ZNF343: variants seen among roughly 807,000 people sequenced by gnomAD.
ZNF343 encodes the protein zinc finger protein 343.
ZNF343 carries 11 observed loss-of-function variants against 13.8 expected under a neutral mutation model. The observed-to-expected ratio is 0.80, with a 90% CI of 0.50 to 1.32. The LOEUF (loss-of-function observed/expected upper bound fraction) is 1.32, where lower values mean the gene tolerates loss of function less well. Ranked by LOEUF, ZNF343 falls within the 40% of genes most tolerant of loss-of-function variation. The pLI, the probability that ZNF343 is intolerant of heterozygous loss-of-function variation, is 0.00. For missense variants in ZNF343, 658 were observed against 714.2 expected (o/e 0.92, Z 0.90); for synonymous variants, 248 against 260.0 (o/e 0.95, Z 0.44).
rs762594589 is a variant in ZNF343 at position 2,484,127 on chromosome 20, A to G, written c.834T>C (p.Phe278=). The change falls in exon 6 of 6, where the codon TTT becomes TTC. Residue 278 remains phenylalanine, a synonymous_variant. Transcript: ENST00000278772. Reference sequence around the variant, plus strand: ...GTCTGATGAGGGTTGATCTATCTTTAAAGCTTCGCCCACAATCACTGCAAA... The same window carrying G: ...GTCTGATGAGGGTTGATCTATCTTTGAAGCTTCGCCCACAATCACTGCAAA... ...PYICSDCGRS[F]KDRSTLIRHH... is the part of the protein sequence containing the mutation. 4 of 1,614,240 alleles carry G rather than the reference A, an allele frequency of 2.5e-6. No individual in the cohort carries two copies. The South Asian group carries it at 4.4e-5, about 18-fold the overall frequency.
At chr20:2,486,230 C>T (rs1023377160) in intron 5 of ZNF343, among the ~76,000 whole-genome samples, 3 of 152,120 alleles carry the variant, frequency 2.0e-5, no homozygotes, top group Non-Finnish European at 4.4e-5. Flanking sequence ...GAACCAAAAG[C>T]TCCTTACACT....
At chr20:2,484,687 C>A (rs367708975) in intron 5 of ZNF343, 31 bp from the exon 6 acceptor site, 1 of 1,555,118 alleles carries the variant, frequency 6.4e-7, no homozygotes, top group Non-Finnish European at 8.7e-7. Context: ...GTTAGAGTAG[C>A]CATAAGTAGG....
At chr20:2,488,831 G>C (rs2085321833) in intron 5 of ZNF343, among the ~76,000 whole-genome samples, 1 of 152,108 alleles carries the variant, frequency 6.6e-6, no homozygotes, top group Non-Finnish European at 1.5e-5. Flanking sequence ...GATCACTTTA[G>C]ACCAGAAGCT....
At chr20:2,492,155 T>C (rs1382244070) in intron 5 of ZNF343, 1 of 155,770 alleles carries the variant, frequency 6.4e-6, no homozygotes, top group Admixed American at 6.5e-5. Context: ...CACAATAAAC[T>C]TGACTCTTAA....
At chr20:2,497,507 T>C (rs2085479841) in intron 2 of ZNF343, among the ~76,000 whole-genome samples, 1 of 152,144 alleles carries the variant, frequency 6.6e-6, no homozygotes, top group Admixed American at 6.5e-5. Context: ...ACCACAGGAA[T>C]TGCTGCCAAG....
In ZNF343 at chr20:2,483,101, T is replaced by C; in HGVS notation, c.*60A>G. On this transcript the variant is annotated 3_prime_UTR_variant, in exon 6 of 6. Coordinates refer to ENST00000278772, the MANE Select transcript of ZNF343 (RefSeq NM_024325.6). ...CCCCATGTGTCTCTCTGGGGTAACA[T>C]GAGGCTTGACTGGTCACTCAGGTCT... is the stretch of plus-strand genomic sequence containing the variant. The C allele has an allele frequency of 1.3e-6, 2 of 1,538,598 alleles. No individual in the cohort carries two copies. Among genetic ancestry groups the C allele is most frequent in the South Asian group, 2.6e-5 (2 of 78,394 alleles).
chr20:2,510,803 C>T (rs1227215408), upstream of ZNF343, among the ~76,000 whole-genome samples: 1 of 152,192 alleles, frequency 6.6e-6, no homozygotes, highest in Non-Finnish European at 1.5e-5. Context: ...GATGGGAGAT[C>T]AGTCTCACAT....
chr20:2,515,082 GAGA>G (rs888759006), intron 1 of ZNF343, among the ~76,000 whole-genome samples: 22 of 151,234 alleles, frequency 1.5e-4, no homozygotes, highest in African/African-American at 5.1e-4. Context: ...GAAGAAGAAA[GAGA>G]AGAAGAAGCC....
chr20:2,492,975 C>T, intron 4 of ZNF343, 150 bp from the exon 5 acceptor site: 1 of 1,084,222 alleles, frequency 9.2e-7, no homozygotes, highest in Non-Finnish European at 1.3e-6. Flanking sequence ...CTTCTGAGCA[C>T]TACTGTCTGC....
Position 2,508,759 on chromosome 20 carries a change from C to G in ZNF343, c.-237+122G>C, listed in dbSNP as rs372208458. The G allele has an allele frequency of 1.3e-5, 2 of 152,386 alleles. No individual in the cohort carries two copies. The highest frequency in any genetic ancestry group is 2.4e-5 in the African/African-American group (1 of 41,482). 9.4% of individuals were successfully genotyped at this position (152,386 alleles called of 1,614,324 possible). A position where few individuals can be genotyped will look rare whatever the true frequency, so the allele number is the denominator to read the frequency against. ...TCCTCCAAAAACCAAATATCTCCAA[C>G]CCGCACTCCCCATTGGCCACACTCT... is the stretch of plus-strand genomic sequence containing the variant. On this transcript the variant is annotated intron_variant, in intron 1 of 5. Coordinates refer to ENST00000278772, the MANE Select transcript of ZNF343 (RefSeq NM_024325.6). This position sits in a 1 kb window ranked among gnomAD's most constrained non-coding sequence, Gnocchi z 4.5.
intron 4 of ZNF343, 162 bp from the exon 5 acceptor site, chr20:2,492,987 T>C: frequency 1.0e-6 from 1 of 953,094 alleles, no homozygotes; most frequent in Non-Finnish European, 1.6e-6. Flanking sequence ...ACTGTCTGCC[T>C]GGCTTTCTGT....
chr20:2,522,471 C>G (rs545905165), intron 1 of ZNF343, among the ~76,000 whole-genome samples: 1 of 152,262 alleles, frequency 6.6e-6, no homozygotes, highest in East Asian at 1.9e-4. Flanking sequence ...TTCATTTGCT[C>G]AAACTTACAA....
chr20:2,509,082 TC>T (rs2085718168), upstream of ZNF343: 1 of 152,182 alleles, frequency 6.6e-6, no homozygotes, highest in African/African-American at 2.4e-5. Flanking sequence ...AGGTTCTGGC[TC>T]CCGAGTGAAG....
Position 2,482,830 on chromosome 20 carries a change from T to C in ZNF343, c.*331A>G. The C allele has an allele frequency of 3.5e-6, 1 of 286,352 alleles. No homozygotes were observed. 17.7% of individuals were successfully genotyped at this position (286,352 alleles called of 1,614,324 possible). On this transcript the variant is annotated 3_prime_UTR_variant, in exon 6 of 6. Coordinates refer to ENST00000278772, the MANE Select transcript of ZNF343 (RefSeq NM_024325.6). ...CCCAACACTCCCCAGACAAGGGTGC[T>C]TTCCCCTGAGGCTGTCATTGGATGT... is the stretch of plus-strand genomic sequence containing the variant.
Position 2,493,521 on chromosome 20 carries a change from C to T in ZNF343, c.175G>A (p.Val59Met), listed in dbSNP as rs754641752. The T allele has an allele frequency of 5.0e-6, 8 of 1,613,156 alleles. No individual in the cohort carries two copies. The highest frequency in any genetic ancestry group is 4.0e-5 in the African/African-American group (3 of 74,750). The change falls in exon 4 of 6, where the codon GTG (valine) becomes ATG (methionine). Residue 59 changes from valine to methionine, a missense_variant and splice_region_variant. By Grantham distance (21) the Val-to-Met change is conservative. Transcript: ENST00000278772. ...PQKKEGKAQIVVPVTFRDVTV... is the reference protein window; with the variant it reads ...PQKKEGKAQIMVPVTFRDVTV... ...AAAAAAATGTAACCCCAACTCACCA[C>T]TATTTGGGCCTTTCCCTCCTTTTTC... is the stretch of plus-strand genomic sequence containing the variant.
At chr20:2,490,215 TATA>T in intron 5 of ZNF343, among the ~76,000 whole-genome samples, 1 of 152,038 alleles carries the variant, frequency 6.6e-6, no homozygotes, top group East Asian at 1.9e-4. Flanking sequence ...ATGGCTTCAT[TATA>T]ATGTGTGATG....
intron 3 of ZNF343, 45 bp downstream of exon 3, chr20:2,493,733 C>A: frequency 2.0e-6 from 3 of 1,536,784 alleles, no homozygotes; most frequent in Non-Finnish European, 2.7e-6. Flanking sequence ...GAACCTGGAG[C>A]CTTGGCTTCC....
chr20:2,520,852 G>C (rs921562410), intron 1 of ZNF343, among the ~76,000 whole-genome samples: 3 of 152,180 alleles, frequency 2.0e-5, no homozygotes, highest in Admixed American at 2.0e-4. Flanking sequence ...GCACAGGTTG[G>C]CACTTGGACT....
At chr20:2,511,993 G>A (rs1310194112), upstream of ZNF343, among the ~76,000 whole-genome samples, 4 of 152,236 alleles carry the variant, frequency 2.6e-5, no homozygotes, top group Non-Finnish European at 5.9e-5. Context: ...CACAGATGAT[G>A]TGATCTTGTA....
Sources: allele counts gnomAD v4.1 joint callset (sites outside exome capture counted in the v4.1 genomes callset), GRCh38; gene constraint gnomAD v4.1.1; non-coding constraint Gnocchi (gnomAD v3.1); transcripts MANE v1.5; gene names NCBI Gene and HGNC (gene_info 2026-07-23, HGNC 2026-07-21).